The following TNR variants were observed in gnomAD, a reference collection of about 807,000 sequenced individuals.
The protein encoded by TNR is tenascin-R.
TNR carries 45 observed loss-of-function variants against 150.4 expected under a neutral mutation model. That is an observed-to-expected ratio of 0.30 (90% confidence interval 0.24 to 0.38). TNR has a LOEUF of 0.38. Among genes scored for constraint, TNR ranks in the 10% least tolerant of loss-of-function variants. TNR has a pLI of 1.00. For missense variants in TNR, 1,544 were observed against 1,759.1 expected, an observed-to-expected ratio of 0.88 and a Z score of 2.19; for synonymous variants, 687 against 678.4, an observed-to-expected ratio of 1.01 and a Z score of -0.20.
rs756401263 is a variant in TNR, at chr1:175,362,632, C to T, written c.2854+31G>A. 1.9e-6 allele frequency: 3 copies of T among 1,605,008 alleles called. No individual in the cohort carries two copies. In the South Asian group the frequency reaches 3.3e-5, roughly 18 times the overall value. On this transcript the variant is annotated intron_variant, in intron 14 of 22. Coordinates refer to ENST00000367674, the MANE Select transcript of TNR (RefSeq NM_003285.3). ...TTCACCCAGATCTTCAGCCAGGGTT[C>T]TGACTTGACACAGCAGGGAGACATT...
At chr1:175,505,749 C>A (rs150764494) in intron 2 of TNR, among the ~76,000 whole-genome samples, 1 of 152,282 alleles carries the variant, frequency 6.6e-6, no homozygotes, top group African/African-American at 2.4e-5. Flanking sequence ...ATATAAGAAA[C>A]GACAGATAAG....
chr1:175,554,851 T>G (rs1558003607), intron 1 of TNR, among the ~76,000 whole-genome samples: 1 of 152,222 alleles, frequency 6.6e-6, no homozygotes, highest in Non-Finnish European at 1.5e-5. Flanking sequence ...GAGTTAGAGC[T>G]CATTGAGCCT....
chr1:175,448,827 G>C (rs1232797919), intron 2 of TNR, among the ~76,000 whole-genome samples: 3 of 152,210 alleles, frequency 2.0e-5, no homozygotes, highest in Non-Finnish European at 1.5e-5. Flanking sequence ...AGGCAGGGGA[G>C]CACAGGGAGG....
chr1:175,721,521 AACTG>A (rs1282554324), intron 1 of TNR, among the ~76,000 whole-genome samples: 2 of 152,188 alleles, frequency 1.3e-5, no homozygotes, highest in East Asian at 3.9e-4. Context: ...GCTGCCTCCT[AACTG>A]ACTCTCTTGA....
At position 175,403,390 on chromosome 1, in the gene TNR, C is replaced by A; in HGVS notation, c.726G>T (p.Arg242=). Residue 242 remains arginine (R), a synonymous_variant, in exon 4 of 23, where the codon CGG becomes CGT. Transcript: ENST00000367674. ...CACACTCCCCGTCCACGCAGAGCCCCCGGGAGCTGCAGTCTGTTGGGCACC... is the reference window on the plus strand; with the variant it reads ...CACACTCCCCGTCCACGCAGAGCCCACGGGAGCTGCAGTCTGTTGGGCACC... The part of the protein sequence containing the change: ...ELRCPTDCSS[R]GLCVDGECVC... The A allele has an allele frequency of 2.5e-6, 4 of 1,614,196 alleles. No individual in the cohort carries two copies. The highest frequency in any genetic ancestry group is 3.4e-6 in the Non-Finnish European group (4 of 1,180,040).
chr1:175,355,796 A>G (rs138154358), intron 16 of TNR, among the ~76,000 whole-genome samples, 163 bp from the exon 17 acceptor site: 29 of 152,294 alleles, frequency 1.9e-4, no homozygotes, highest in Admixed American at 1.7e-3. Context: ...CTCCTGGGTC[A>G]GATGATAATC....
At chr1:175,739,532 A>G (rs1259552342) in intron 1 of TNR, among the ~76,000 whole-genome samples, 1 of 152,096 alleles carries the variant, frequency 6.6e-6, no homozygotes, top group Non-Finnish European at 1.5e-5. Context: ...ACACACACAC[A>G]TTCACCAAAG....
intron 1 of TNR, among the ~76,000 whole-genome samples, chr1:175,607,793 C>T (rs1178798309): frequency 6.6e-6 from 1 of 152,234 alleles, no homozygotes; most frequent in African/African-American, 2.4e-5. Context: ...TTGGTATATA[C>T]TTATTCAGTC....
chr1:175,525,779 C>G (rs1196431850), intron 2 of TNR, among the ~76,000 whole-genome samples: 1 of 152,188 alleles, frequency 6.6e-6, no homozygotes, highest in African/African-American at 2.4e-5. Flanking sequence ...GTAAGAGCAG[C>G]TACATTTGTT....
intron 21 of TNR, 98 bp downstream of exon 21, chr1:175,329,976 G>A (rs1384302048): frequency 7.8e-7 from 1 of 1,289,258 alleles, no homozygotes; most frequent in African/African-American, 1.5e-5. Context: ...CTGGAACTCT[G>A]TGGGTGCTGC....
intron 21 of TNR, 63 bp downstream of exon 21, chr1:175,330,011 A>AG: frequency 7.1e-7 from 1 of 1,413,486 alleles, no homozygotes; most frequent in South Asian, 1.8e-5. Context: ...GCTTACGCCT[A>AG]GAATCTGGGG....
At chr1:175,671,766 G>A (rs1179842129) in intron 1 of TNR, among the ~76,000 whole-genome samples, 1 of 152,110 alleles carries the variant, frequency 6.6e-6, no homozygotes, top group Non-Finnish European at 1.5e-5. Flanking sequence ...GTGAAGCAAG[G>A]CTTACCTCCA....
intron 16 of TNR, 152 bp from the exon 17 acceptor site, chr1:175,355,785 G>A: frequency 9.5e-7 from 1 of 1,049,378 alleles, no homozygotes; most frequent in Non-Finnish European, 1.3e-6. Context: ...CATAAAGGGT[G>A]CTCCTGGGTC....
chr1:175,556,513 A>T (rs1442186663), intron 1 of TNR: 1 of 152,234 alleles, frequency 6.6e-6, no homozygotes, highest in Non-Finnish European at 1.5e-5. Flanking sequence ...CTCCTGGTGT[A>T]GCCTGTCCTG....
At chr1:175,368,050 C>T (rs1016362351) in intron 9 of TNR, among the ~76,000 whole-genome samples, 8 of 152,174 alleles carry the variant, frequency 5.3e-5, no homozygotes, top group Admixed American at 1.3e-4. Flanking sequence ...CTGAGAACCT[C>T]CTAGAATATC....
intron 1 of TNR, among the ~76,000 whole-genome samples, chr1:175,642,963 T>C (rs1227325257): frequency 2.0e-5 from 3 of 152,100 alleles, no homozygotes; most frequent in African/African-American, 7.2e-5. Flanking sequence ...ACATATATAA[T>C]ATGTAAAAGC....
At chr1:175,417,295 AG>A (rs900320251) in intron 2 of TNR, among the ~76,000 whole-genome samples, 1 of 151,226 alleles carries the variant, frequency 6.6e-6, no homozygotes, top group Non-Finnish European at 1.5e-5. Context: ...GTCCAGATGG[AG>A]GGGGATGGTG....
chr1:175,411,250 C>T (rs961328200), intron 2 of TNR, among the ~76,000 whole-genome samples: 7 of 152,090 alleles, frequency 4.6e-5, no homozygotes, highest in African/African-American at 1.4e-4. Context: ...CAGGTACAAG[C>T]GGAAACACAA....
At chr1:175,351,999 A>C (rs1339741442) in intron 18 of TNR, among the ~76,000 whole-genome samples, 2 of 152,202 alleles carry the variant, frequency 1.3e-5, no homozygotes, top group South Asian at 4.1e-4. Context: ...TGCACTGTCC[A>C]CCAAATGAAG....
Sources: allele counts gnomAD v4.1 joint callset (sites outside exome capture counted in the v4.1 genomes callset), GRCh38; gene constraint gnomAD v4.1.1; transcripts MANE v1.5; gene names NCBI Gene and HGNC (gene_info 2026-07-23, HGNC 2026-07-21).